Variants in ZNF564 observed in about 807,000 individuals in gnomAD.
ZNF564 encodes the protein zinc finger protein 564.
A neutral mutation model predicts 10.5 loss-of-function variants in ZNF564; 5 were observed. The ratio of observed to expected loss-of-function variants is 0.48; its 90% CI spans 0.25 to 1.00. The LOEUF is 1.00. Ranked by LOEUF, ZNF564 falls within the 50% of genes least tolerant of loss-of-function variation. ZNF564 has a pLI of 0.16. For missense variants in ZNF564, 603 were observed against 669.7 expected, an observed-to-expected ratio of 0.90 and a Z score of 1.10; for synonymous variants, 242 against 218.1, an observed-to-expected ratio of 1.11 and a Z score of -0.97.
Position 12,527,496 on chromosome 19 carries a change from T to C in ZNF564, c.612A>G (p.Lys204=), listed in dbSNP as rs753842317. 6 of 1,614,030 alleles carry C rather than the reference T, an allele frequency of 3.7e-6. No homozygotes were observed. The Admixed American group carries it at 8.3e-5, about 22-fold the overall frequency. Residue 204 remains lysine (K), a synonymous_variant, in exon 4 of 4, where the codon AAA becomes AAG. Transcript: ENST00000339282. ...GAAATAAACTTGGGCGATCAAAGGC[T>C]TTCCCACATTCCTGACATTTATATG... ...DGPYKCQECG[K]AFDRPSLFQI... is the part of the protein sequence containing the mutation.
chr19:12,532,120 TGGAG>T (rs1197148449), intron 1 of ZNF564, among the ~76,000 whole-genome samples: 2 of 151,994 alleles, frequency 1.3e-5, no homozygotes, highest in Non-Finnish European at 2.9e-5. Context: ...GAGGCTGAGA[TGGAG>T]GATCACCTGA....
chr19:12,539,654 C>A (rs150388108), intron 1 of ZNF564, among the ~76,000 whole-genome samples: 1 of 145,560 alleles, frequency 6.9e-6, no homozygotes, highest in Non-Finnish European at 1.5e-5. Context: ...GGCGACAGAG[C>A]GACAATTCCT....
intron 1 of ZNF564, among the ~76,000 whole-genome samples, chr19:12,530,417 C>T (rs969860283): frequency 6.6e-6 from 1 of 152,134 alleles, no homozygotes; most frequent in African/African-American, 2.4e-5. Context: ...CAGTCATGAA[C>T]GTCAAGGGCA....
Position 12,528,603 on chromosome 19 carries a change from T to C in ZNF564, c.97A>G (p.Met33Val). 6.2e-7 allele frequency: 1 copy of C among 1,613,960 alleles called. No individual in the cohort carries two copies. The highest frequency in any genetic ancestry group is 8.5e-7 in the Non-Finnish European group (1 of 1,179,978). Residue 33 changes from methionine to valine, a missense_variant, in exon 2 of 4, where the codon ATG (methionine) becomes GTG (valine). Met to Val is a conservative substitution (Grantham distance 21, BLOSUM62 1). Transcript: ENST00000339282. ...PSQKKLYRDV[M>V]RETFRNLACV... ...GCCAGGTTTCTAAAGGTTTCCCGCA[T>C]CACATCTCTGTAGAGTTTCTTCTGG...
At chr19:12,544,755 C>T (rs558299834) in intron 1 of ZNF564, among the ~76,000 whole-genome samples, 2 of 152,314 alleles carry the variant, frequency 1.3e-5, no homozygotes, top group African/African-American at 4.8e-5. Context: ...GGCATCTGCC[C>T]AGATTCCTCT....
chr19:12,526,728 ACAGT>A lies in ZNF564; in HGVS notation c.1376_1379del (p.Asp459ValfsTer75), dbSNP rs776147289. On this transcript the variant is annotated frameshift_variant, in exon 4 of 4. Coordinates refer to ENST00000339282, the MANE Select transcript of ZNF564 (RefSeq NM_144976.4). LOFTEE classifies it low-confidence loss of function (END_TRUNC). ...TTTCATGTGTTCGGACAGAACTAGG[ACAGT>A]CAAAGGCTTTACCACATACCTGACA... is the stretch of plus-strand genomic sequence containing the variant. 3.1e-6 allele frequency: 5 copies of A among 1,614,164 alleles called. No homozygotes were observed. The Admixed American group carries it at 5.0e-5, about 16-fold the overall frequency.
intron 1 of ZNF564, among the ~76,000 whole-genome samples, chr19:12,542,919 T>C (rs2022084837): frequency 6.6e-6 from 1 of 151,848 alleles, no homozygotes; most frequent in Non-Finnish European, 1.5e-5. Flanking sequence ...GGAGAATCAA[T>C]TGAATCCCGG....
chr19:12,527,811 T>C lies in ZNF564; in HGVS notation c.297A>G (p.Ile99Met), dbSNP rs899405521. The C allele has an allele frequency of 3.2e-5, 51 of 1,614,060 alleles. No homozygotes were observed. Among genetic ancestry groups the C allele is most frequent in the Non-Finnish European group, 4.2e-5 (49 of 1,180,040 alleles). Residue 99 changes from isoleucine to methionine, a missense_variant, in exon 4 of 4, where the codon ATA becomes ATG. Ile to Met is a conservative substitution (Grantham distance 10). Coordinates refer to ENST00000339282, the MANE Select transcript of ZNF564 (RefSeq NM_144976.4). ...NLNLNKKIPTIVRPCECSLCG... is the reference protein window; with the variant it reads ...NLNLNKKIPTMVRPCECSLCG... ...ACAAACTACATTCACATGGTCTTAC[T>C]ATAGTAGGAATTTTCTTGTTCAGAT...
chr19:12,546,037 C>T (rs979218487), intron 1 of ZNF564, among the ~76,000 whole-genome samples: 1 of 152,142 alleles, frequency 6.6e-6, no homozygotes. Flanking sequence ...AATAACAAAA[C>T]ACACTCCACC....
chr19:12,541,151 C>T (rs939822687), intron 1 of ZNF564, among the ~76,000 whole-genome samples: 11 of 150,626 alleles, frequency 7.3e-5, no homozygotes, highest in African/African-American at 2.7e-4. Context: ...TCAAGAGGCT[C>T]GAGGGAGGAG....
chr19:12,527,101 G>C lies in ZNF564; in HGVS notation c.1007C>G (p.Pro336Arg), dbSNP rs780008056. Residue 336 changes from proline (P) to arginine (R), a missense_variant, in exon 4 of 4, where the codon CCC (proline) becomes CGC (arginine). Coordinates refer to ENST00000339282, the MANE Select transcript of ZNF564 (RefSeq NM_144976.4). ...KHERTHTGEK[P>R]YECNKCGKTF... ...TTTACCACATTTATTACATTCATAG[G>C]GTTTCTCCCCAGTATGAGTTCTTTC... The C allele has an allele frequency of 1.9e-5, 30 of 1,613,912 alleles. No individual in the cohort carries two copies. Among genetic ancestry groups the C allele is most frequent in the Non-Finnish European group, 2.4e-5 (28 of 1,180,026 alleles).
chr19:12,547,969 G>A (rs1286233829), intron 1 of ZNF564, among the ~76,000 whole-genome samples: 1 of 151,512 alleles, frequency 6.6e-6, no homozygotes. Context: ...GCGCCACCAT[G>A]CCCGGCTAAT....
chr19:12,537,332 TTTC>T (rs1001106373), intron 1 of ZNF564, among the ~76,000 whole-genome samples: 2 of 152,196 alleles, frequency 1.3e-5, no homozygotes, highest in African/African-American at 4.8e-5. Flanking sequence ...GTACAGACTT[TTTC>T]TTCTTTTTAT....
intron 1 of ZNF564, among the ~76,000 whole-genome samples, chr19:12,539,301 T>C (rs1266338772): frequency 2.7e-5 from 4 of 150,122 alleles, no homozygotes; most frequent in Admixed American, 2.7e-4. Flanking sequence ...AGCTCCCAAA[T>C]TTTTCTGTAA....
At chr19:12,546,686 G>A (rs1034822108) in intron 1 of ZNF564, among the ~76,000 whole-genome samples, 2 of 152,186 alleles carry the variant, frequency 1.3e-5, no homozygotes, top group South Asian at 2.1e-4. Flanking sequence ...AGCCAAGATC[G>A]CGCCACTGCA....
intron 1 of ZNF564, among the ~76,000 whole-genome samples, chr19:12,544,720 G>C (rs2022118672): frequency 6.6e-6 from 1 of 152,138 alleles, no homozygotes; most frequent in Non-Finnish European, 1.5e-5. Flanking sequence ...TCACCAACTA[G>C]AACTCCCACA....
At chr19:12,530,395 C>T (rs1371154198) in intron 1 of ZNF564, among the ~76,000 whole-genome samples, 1 of 152,166 alleles carries the variant, frequency 6.6e-6, no homozygotes, top group Non-Finnish European at 1.5e-5. Context: ...CCCCCTCACC[C>T]AGCAAAATCC....
intron 1 of ZNF564, 138 bp from the exon 2 acceptor site, chr19:12,528,834 C>G (rs1300065618): frequency 1.1e-6 from 1 of 907,972 alleles, no homozygotes; most frequent in Non-Finnish European, 1.6e-6. Flanking sequence ...GAGGCCAAGG[C>G]ATACAGATCA....
chr19:12,548,160 C>T, intron 1 of ZNF564: 3 of 982,046 alleles, frequency 3.1e-6, no homozygotes, highest in Non-Finnish European at 3.6e-6. Context: ...CCAGCAAAAT[C>T]ACTCAAACTT....
Sources: gnomAD v4.1 joint callset for allele counts (sites outside exome capture counted in the v4.1 genomes callset) on GRCh38, gnomAD v4.1.1 for gene constraint, MANE v1.5 for transcripts, NCBI Gene and HGNC (gene_info 2026-07-23, HGNC 2026-07-21) for gene names.